SLC45A3: variants seen among roughly 807,000 people sequenced by gnomAD.
The protein encoded by SLC45A3 is prostate cancer associated protein 2.
SLC45A3 carries 17 observed loss-of-function variants against 35.3 expected under a neutral mutation model. That is an observed-to-expected ratio of 0.48 (90% CI 0.33 to 0.72). SLC45A3 has a LOEUF of 0.72. Among genes scored for constraint, SLC45A3 ranks in the 30% least tolerant of loss-of-function variants. The pLI is 0.02. For synonymous variants in SLC45A3, 288 were observed against 334.3 expected (o/e 0.86, Z 1.51); for missense variants, 597 against 731.7 (o/e 0.82, Z 2.12).
At position 205,669,656 on chromosome 1, in the gene SLC45A3, C is replaced by T. The variant is rs982056572; in HGVS notation, c.-230-4770G>A. 1.3e-5 allele frequency among the ~76,000 whole-genome samples: 2 copies of T among 152,212 alleles called. No homozygotes were observed. The highest frequency in any genetic ancestry group is 2.9e-5 in the Non-Finnish European group (2 of 68,030). On this transcript the variant is annotated intron_variant, in intron 1 of 4. Coordinates refer to ENST00000367145, the MANE Select transcript of SLC45A3 (RefSeq NM_033102.3). The surrounding 1 kb of genome is among the most constrained non-coding windows in gnomAD (Gnocchi z 4.1). ...ACGGCTGTAGCCCCCACCCTGACCC[C>T]GCAGGCTCAGCGACCCTGCGTGTTC...
intron 1 of SLC45A3, among the ~76,000 whole-genome samples, chr1:205,668,594 ATCC>A (rs1232640854): frequency 6.6e-6 from 1 of 151,864 alleles, no homozygotes; most frequent in African/African-American, 2.4e-5. Flanking sequence ...TGCTTCTAAA[ATCC>A]TCCTGCCCTA....
intron 1 of SLC45A3, among the ~76,000 whole-genome samples, chr1:205,671,523 C>T (rs1023089727): frequency 6.6e-6 from 1 of 152,220 alleles, no homozygotes; most frequent in Admixed American, 6.5e-5. Flanking sequence ...TTGCATGAGC[C>T]TGTAACTTGA....
chr1:205,670,816 A>C (rs1571540331), intron 1 of SLC45A3, among the ~76,000 whole-genome samples: 4 of 149,436 alleles, frequency 2.7e-5, no homozygotes, highest in African/African-American at 7.4e-5. Context: ...GCTGGCCCCC[A>C]CCCCCTCCGG....
intron 4 of SLC45A3, among the ~76,000 whole-genome samples, chr1:205,661,276 G>A (rs1264783267): frequency 1.3e-5 from 2 of 152,144 alleles, no homozygotes; most frequent in Non-Finnish European, 2.9e-5. Context: ...TCAGATATCT[G>A]CCACAGGGGA....
intron 1 of SLC45A3, among the ~76,000 whole-genome samples, chr1:205,670,928 C>T (rs915779181): frequency 1.3e-5 from 2 of 152,356 alleles, no homozygotes; most frequent in African/African-American, 2.4e-5. Flanking sequence ...GCTCCCTCCC[C>T]CCACTCACCC....
chr1:205,663,126 G>A lies in SLC45A3; in HGVS notation c.665C>T (p.Ala222Val), dbSNP rs760773350. Residue 222 changes from alanine to valine, a missense_variant, in exon 3 of 5, where the codon GCG becomes GTG. Ala to Val is a moderately conservative substitution (Grantham distance 64, BLOSUM62 0). Around this residue, in one of 3 missense-constraint regions of SLC45A3, gnomAD observed 555 missense variants for 664.9 expected, o/e 0.83. Transcript: ENST00000367145. Reference sequence around the variant, plus strand: ...TTCTGCTGGCTCGGTGGGGCCCAGCGCTGCCTCCTCAGCCACCAGCAGTGT... The same window carrying A: ...TTCTGCTGGCTCGGTGGGGCCCAGCACTGCCTCCTCAGCCACCAGCAGTGT... ...AATLLVAEEA[A>V]LGPTEPAEGL... The A allele has an allele frequency of 1.1e-5, 18 of 1,602,798 alleles. No individual in the cohort carries two copies. In the East Asian group the frequency reaches 1.2e-4, roughly 10 times the overall value.
At chr1:205,670,130 C>T (rs538169264) in intron 1 of SLC45A3, among the ~76,000 whole-genome samples, 15 of 152,312 alleles carry the variant, frequency 9.8e-5, no homozygotes, top group Admixed American at 3.3e-4. Context: ...GGCAGCTCCA[C>T]GGGAGCCTTG....
At chr1:205,668,008 T>C (rs1288677818) in intron 1 of SLC45A3, among the ~76,000 whole-genome samples, 2 of 152,142 alleles carry the variant, frequency 1.3e-5, no homozygotes, top group East Asian at 3.9e-4. Context: ...AGGATTTGAC[T>C]AGGAAGGGTG....
chr1:205,665,334 T>C (rs1172138221), intron 1 of SLC45A3, among the ~76,000 whole-genome samples: 3 of 152,168 alleles, frequency 2.0e-5, no homozygotes, highest in Non-Finnish European at 4.4e-5. Context: ...AGAGTAACAC[T>C]TCCTATTCTG....
In SLC45A3 at chr1:205,664,011, G is replaced by A. The variant is rs1349732776; in HGVS notation, c.173-393C>T. On this transcript the variant is annotated intron_variant, in intron 2 of 4. Coordinates refer to ENST00000367145, the MANE Select transcript of SLC45A3 (RefSeq NM_033102.3). The surrounding 1 kb of genome is among the most constrained non-coding windows in gnomAD (Gnocchi z 5.3). Reference sequence around the variant, plus strand: ...GTAGAATTTATCTGCAGAGTCAGGAGTCCACCCCTTGTCCTAGGGGTAGGA... The same window carrying A: ...GTAGAATTTATCTGCAGAGTCAGGAATCCACCCCTTGTCCTAGGGGTAGGA... Among the ~76,000 whole-genome samples the A allele has an allele frequency of 6.6e-6, 1 of 152,102 alleles. No individual in the cohort carries two copies. The highest frequency in any genetic ancestry group is 1.9e-4 in the East Asian group (1 of 5,180).
At chr1:205,680,214 G>A (rs1178776632) in intron 1 of SLC45A3, among the ~76,000 whole-genome samples, 180 bp downstream of exon 1, 3 of 151,902 alleles carry the variant, frequency 2.0e-5, no homozygotes, top group African/African-American at 7.2e-5. Flanking sequence ...CAGAGCGTGT[G>A]GGACGCGCCC....
rs72750941 is a variant in SLC45A3 at position 205,664,195 on chromosome 1, C to A, written c.172+290G>T. 6.6e-6 allele frequency among the ~76,000 whole-genome samples: 1 copy of A among 152,142 alleles called. No homozygotes were observed. Among genetic ancestry groups the A allele is most frequent in the Non-Finnish European group, 1.5e-5 (1 of 68,026 alleles). On this transcript the variant is annotated intron_variant, in intron 2 of 4. Coordinates refer to ENST00000367145, the MANE Select transcript of SLC45A3 (RefSeq NM_033102.3). The surrounding 1 kb of genome is among the most constrained non-coding windows in gnomAD (Gnocchi z 5.3). ...GGTTGTAAGCATTAAATGAGATAAT[C>A]GCTATAAATTATAAAAGGGCTAGCC...
At chr1:205,672,913 G>A (rs1469132861) in intron 1 of SLC45A3, among the ~76,000 whole-genome samples, 1 of 152,186 alleles carries the variant, frequency 6.6e-6, no homozygotes, top group Non-Finnish European at 1.5e-5. Flanking sequence ...GCTCACTGAT[G>A]AGGCTACATG....
At chr1:205,665,542 C>T (rs763144736) in intron 1 of SLC45A3, among the ~76,000 whole-genome samples, 1 of 152,132 alleles carries the variant, frequency 6.6e-6, no homozygotes, top group African/African-American at 2.4e-5. Context: ...CAATCCCTCA[C>T]ATGGCCGTCC....
intron 1 of SLC45A3, among the ~76,000 whole-genome samples, chr1:205,677,793 C>G (rs1192073026): frequency 1.3e-5 from 2 of 152,204 alleles, no homozygotes; most frequent in African/African-American, 4.8e-5. Flanking sequence ...ACTTATGTGT[C>G]AGACACACAG....
At position 205,665,516 on chromosome 1, in the gene SLC45A3, G is replaced by A. The variant is rs1455736544; in HGVS notation, c.-230-630C>T. ...CCTTGAGTTTCTCCCTGAGTTCAAC[G>A]TTCAAGGGGAAGAAACAATCCCTCA... On this transcript the variant is annotated intron_variant, in intron 1 of 4. Coordinates refer to ENST00000367145, the MANE Select transcript of SLC45A3 (RefSeq NM_033102.3). Among the ~76,000 whole-genome samples, 3 of 152,256 alleles carry A rather than the reference G, an allele frequency of 2.0e-5. No individual in the cohort carries two copies. In the East Asian group the frequency reaches 5.8e-4, roughly 29 times the overall value.
chr1:205,672,482 G>A (rs905379107), intron 1 of SLC45A3, among the ~76,000 whole-genome samples: 2 of 152,210 alleles, frequency 1.3e-5, no homozygotes, highest in African/African-American at 4.8e-5. Flanking sequence ...GGCGTCTAGC[G>A]TGTGCCAGGT....
chr1:205,678,960 A>G (rs553984142), intron 1 of SLC45A3, among the ~76,000 whole-genome samples: 7 of 152,104 alleles, frequency 4.6e-5, no homozygotes, highest in Non-Finnish European at 1.0e-4. Flanking sequence ...TCCCACCCCA[A>G]TAGGCCAGCC....
Position 205,661,873 on chromosome 1 carries a change from G to C in SLC45A3, c.1212C>G (p.His404Gln). The C allele has an allele frequency of 1.2e-6, 2 of 1,613,230 alleles. No homozygotes were observed. The highest frequency in any genetic ancestry group is 1.7e-6 in the Non-Finnish European group (2 of 1,179,408). The change falls in exon 4 of 5, where the codon CAC (histidine) becomes CAG (glutamine). Residue 404 changes from histidine (H) to glutamine (Q), a missense_variant. His to Gln is a conservative substitution (Grantham distance 24, BLOSUM62 0). Transcript: ENST00000367145. Reference protein sequence around the residue: ...ILPYTLASLYHREKQVFLPKY... With the variant: ...ILPYTLASLYQREKQVFLPKY... ...GGCCAATGAGTACCTGCTTCTCCCG[G>C]TGGTAGAGGGAGGCCAGTGTGTAGG...
Sources: gnomAD v4.1 joint callset for allele counts (sites outside exome capture counted in the v4.1 genomes callset) on GRCh38, gnomAD v4.1.1 for gene constraint, gnomAD v4.1.1 regional missense constraint, Gnocchi (gnomAD v3.1) non-coding constraint, MANE v1.5 for transcripts, NCBI Gene and HGNC (gene_info 2026-07-23, HGNC 2026-07-21) for gene names.